The following RBM4 variants were observed in gnomAD, a reference collection of about 807,000 sequenced individuals.
The protein encoded by RBM4 is RNA binding motif protein 4, also known as RNA-binding protein 4.
A neutral mutation model predicts 29.5 loss-of-function variants in RBM4; 7 were observed. The ratio of observed to expected loss-of-function variants is 0.24; its 90% confidence interval spans 0.14 to 0.45. The LOEUF (loss-of-function observed/expected upper bound fraction) is 0.45, where lower values mean the gene tolerates loss of function less well. Ranked by LOEUF, RBM4 falls within the 20% of genes least tolerant of loss-of-function variation. The probability of loss-of-function intolerance (pLI) is 1.00; values close to 1 mark genes in which losing one functional copy is unlikely to be tolerated. For synonymous variants in RBM4, 220 were observed against 205.4 expected (o/e 1.07, Z -0.61); for missense variants, 387 against 502.3 (o/e 0.77, Z 2.19).
At chr11:66,645,705 A>T (rs1230597042) in intron 3 of RBM4, among the ~76,000 whole-genome samples, 5 of 152,104 alleles carry the variant, frequency 3.3e-5, no homozygotes, top group Non-Finnish European at 7.4e-5. Flanking sequence ...CTCTGCTGAC[A>T]GCTTGTGATG....
rs1056599348 is a variant in RBM4 at position 66,644,076 on chromosome 11, A to G, written c.1039A>G (p.Met347Val). The G allele has an allele frequency of 1.2e-6, 2 of 1,614,038 alleles. No homozygotes were observed. Among genetic ancestry groups the G allele is most frequent in the Non-Finnish European group, 1.7e-6 (2 of 1,180,024 alleles). Reference protein sequence around the residue: ...SAAARNSLYDMARYEREQYAD... With the variant: ...SAAARNSLYDVARYEREQYAD... ...AGCCGCGCGGAATTCTCTGTACGAC[A>G]TGGCCCGGTATGAGCGGGAGCAGTA... The change falls in exon 3 of 4, where the codon ATG becomes GTG. Residue 347 changes from methionine (M) to valine (V), a missense_variant. By Grantham distance (21) the Met-to-Val change is conservative. Coordinates refer to ENST00000310092, the MANE Select transcript of RBM4 (RefSeq NM_002896.4).
rs776167908 is a variant in RBM4 at position 66,643,895 on chromosome 11, TGCTGCTGCAGCAGCAGCC to T, written c.867_884del (p.Ala290_Ala295del). ...CGACCTCAGGAGCTGCTGCCACAGC[TGCTGCTGCAGCAGCAGCC>T]GCTGCTGCTGTTACTGCAGCTTCCA... is the stretch of plus-strand genomic sequence containing the variant. On this transcript the variant is annotated inframe_deletion, in exon 3 of 4. Coordinates refer to ENST00000310092, the MANE Select transcript of RBM4 (RefSeq NM_002896.4). This position sits in a 1 kb window ranked among gnomAD's most constrained non-coding sequence, Gnocchi z 6.1. 27 of 1,611,494 alleles carry T rather than the reference TGCTGCTGCAGCAGCAGCC, an allele frequency of 1.7e-5. No homozygotes were observed. Among genetic ancestry groups the T allele is most frequent in the East Asian group, 2.2e-5 (1 of 44,808 alleles).
chr11:66,648,697 T>C (rs191516474), downstream of RBM4, among the ~76,000 whole-genome samples: 108 of 151,574 alleles, frequency 7.1e-4, no homozygotes, highest in Non-Finnish European at 1.3e-3. Context: ...GCCTTAATTG[T>C]GGCTATTTGG....
At chr11:66,649,970 TG>T (rs1938790086), downstream of RBM4, 1 of 519,836 alleles carries the variant, frequency 1.9e-6, no homozygotes, top group South Asian at 2.8e-5. Flanking sequence ...AATGTCTAGC[TG>T]GCTTTGTATT....
chr11:66,651,876 G>A (rs1274181490), intron 2 of RBM4, among the ~76,000 whole-genome samples: 5 of 151,976 alleles, frequency 3.3e-5, no homozygotes, highest in Admixed American at 6.6e-5. Context: ...CCATTGATGA[G>A]GGCTCTGTTC....
chr11:66,650,819 C>T (rs369443672), downstream of RBM4, among the ~76,000 whole-genome samples: 14 of 152,186 alleles, frequency 9.2e-5, no homozygotes, highest in East Asian at 7.7e-4. Context: ...GCTGAGATTG[C>T]GCCACTGCAC....
At chr11:66,665,632 C>T (rs1011482329) in intron 2 of RBM4, 1 of 1,535,364 alleles carries the variant, frequency 6.5e-7, no homozygotes, top group Non-Finnish European at 8.7e-7. Context: ...AGCAGCCTGG[C>T]TCCGCGTACA....
intron 2 of RBM4, among the ~76,000 whole-genome samples, chr11:66,658,936 C>G (rs1238292462): frequency 7.1e-6 from 1 of 141,284 alleles, no homozygotes; most frequent in Admixed American, 7.1e-5. Context: ...GAGTGTCTCT[C>G]AAAAAAAAAA....
downstream of RBM4, among the ~76,000 whole-genome samples, chr11:66,646,674 T>C (rs1021926546): frequency 2.0e-5 from 3 of 152,188 alleles, no homozygotes; most frequent in African/African-American, 7.2e-5. Flanking sequence ...CAATGAAGAC[T>C]TTTCCCACTG....
chr11:66,656,843 C>T (rs1392873973), intron 2 of RBM4, among the ~76,000 whole-genome samples: 3 of 151,808 alleles, frequency 2.0e-5, no homozygotes, highest in African/African-American at 4.8e-5. Context: ...ATATTTTTAG[C>T]AGAGACGGAG....
intron 2 of RBM4, among the ~76,000 whole-genome samples, chr11:66,653,609 G>T (rs577068229): frequency 6.6e-6 from 1 of 152,206 alleles, no homozygotes; most frequent in Admixed American, 6.5e-5. Flanking sequence ...TGATCCACCT[G>T]CCTTGGCCTC....
chr11:66,643,889 CACAGCTGCTGCTGCAGCA>C lies in RBM4; in HGVS notation c.853_870del (p.Thr285_Ala290del), dbSNP rs768651522. 1.9e-6 allele frequency: 3 copies of C among 1,613,378 alleles called. No individual in the cohort carries two copies. Among genetic ancestry groups the C allele is most frequent in the Non-Finnish European group, 2.5e-6 (3 of 1,179,774 alleles). Reference sequence around the variant, plus strand: ...TGTTGCCGACCTCAGGAGCTGCTGCCACAGCTGCTGCTGCAGCAGCAGCCGCTGCTGCTGTTACTGCAG... The same window carrying C: ...TGTTGCCGACCTCAGGAGCTGCTGCCGCAGCCGCTGCTGCTGTTACTGCAG... On this transcript the variant is annotated inframe_deletion, in exon 3 of 4. Transcript: ENST00000310092. This position sits in a 1 kb window ranked among gnomAD's most constrained non-coding sequence, Gnocchi z 6.1.
chr11:66,658,030 A>AT lies in RBM4; in HGVS notation c.413-7814dup, dbSNP rs928249055. 3.3e-3 allele frequency among the ~76,000 whole-genome samples: 409 copies of AT among 123,914 alleles called. 1 individual carries two copies. Among genetic ancestry groups the AT allele is most frequent in the African/African-American group, 0.011 (362 of 32,736 alleles). 81.3% of individuals were successfully genotyped at this position (123,914 alleles called of 152,430 possible). A position where few individuals can be genotyped will look rare whatever the true frequency, so the allele number is the denominator to read the frequency against. On this transcript the variant is annotated intron_variant, in intron 2 of 2. Transcript: ENST00000396053. ...CCACCTAGTCTGACCCTTTTTTAAAATTTTTTTTTTTTGAGATGGAGTTTT... is the reference window on the plus strand; with the variant it reads ...CCACCTAGTCTGACCCTTTTTTAAAATTTTTTTTTTTTTGAGATGGAGTTTT...
chr11:66,664,180 T>G (rs1009194662), intron 2 of RBM4, among the ~76,000 whole-genome samples: 4 of 148,880 alleles, frequency 2.7e-5, no homozygotes, highest in East Asian at 4.0e-4. Flanking sequence ...TGTTTTTTTT[T>G]TTTTTTTTTT....
intron 2 of RBM4, among the ~76,000 whole-genome samples, chr11:66,658,752 G>A (rs935656064): frequency 6.6e-5 from 10 of 151,806 alleles, no homozygotes; most frequent in African/African-American, 1.5e-4. Flanking sequence ...GCCTGGCCAA[G>A]GTGGTGAAAC....
In RBM4 at chr11:66,643,410, T is replaced by G; in HGVS notation, c.413-40T>G. On this transcript the variant is annotated intron_variant, in intron 2 of 3. Coordinates refer to ENST00000310092, the MANE Select transcript of RBM4 (RefSeq NM_002896.4). The surrounding 1 kb of genome is among the most constrained non-coding windows in gnomAD (Gnocchi z 6.1). ...CTGGGGTAGGGGCTGGGGCTATGAC[T>G]AAGAGTGATAGCAACCCTTCTTGCG... 1.9e-6 allele frequency: 3 copies of G among 1,569,070 alleles called. No individual in the cohort carries two copies. The highest frequency in any genetic ancestry group is 2.6e-6 in the Non-Finnish European group (3 of 1,154,330).
chr11:66,643,662 T>C lies in RBM4; in HGVS notation c.625T>C (p.Leu209=), dbSNP rs1228401704. 4 of 1,614,054 alleles carry C rather than the reference T, an allele frequency of 2.5e-6. No individual in the cohort carries two copies. Among genetic ancestry groups the C allele is most frequent in the African/African-American group, 2.7e-5 (2 of 74,914 alleles). The change falls in exon 3 of 4, where the codon TTG becomes CTG. Residue 209 remains leucine (L), a synonymous_variant. Coordinates refer to ENST00000310092, the MANE Select transcript of RBM4 (RefSeq NM_002896.4). The surrounding 1 kb of genome is among the most constrained non-coding windows in gnomAD (Gnocchi z 6.1). ...TTACACCATGAGCTATGGGGATTCA[T>C]TGTATTACAACAACGCGTACGGAGC... The part of the protein sequence containing the change: ...TPYTMSYGDS[L]YYNNAYGALD...
At chr11:66,645,849 ACT>A (rs1232187792) in intron 3 of RBM4, among the ~76,000 whole-genome samples, 176 bp from the exon 4 acceptor site, 1 of 151,922 alleles carries the variant, frequency 6.6e-6, no homozygotes, top group Non-Finnish European at 1.5e-5. Context: ...CTCCCCAGTT[ACT>A]CTCTGGCCTT....
intron 2 of RBM4, chr11:66,640,937 G>A (rs1938429355): frequency 6.6e-6 from 1 of 152,210 alleles, no homozygotes; most frequent in Non-Finnish European, 1.5e-5. Context: ...CAAAGGAAAT[G>A]CTTGTTAGAG....
Sources: gnomAD v4.1 joint callset for allele counts (sites outside exome capture counted in the v4.1 genomes callset) on GRCh38, gnomAD v4.1.1 for gene constraint, Gnocchi (gnomAD v3.1) non-coding constraint, MANE v1.5 for transcripts, NCBI Gene and HGNC (gene_info 2026-07-23, HGNC 2026-07-21) for gene names.